FMO5: variants seen among roughly 807,000 people sequenced by gnomAD.
FMO5 encodes the protein flavin containing dimethylaniline monoxygenase 5.
FMO5 carries 51 observed loss-of-function variants against 43.6 expected under a neutral mutation model. The ratio of observed to expected loss-of-function variants is 1.17; its 90% CI spans 0.93 to 1.48. FMO5 has a LOEUF of 1.48. FMO5 is among the 40% of genes most tolerant of loss of function. FMO5 has a pLI of 0.00. For missense variants in FMO5, 644 were observed against 643.0 expected (o/e 1.00, Z -0.02); for synonymous variants, 187 against 216.5 (o/e 0.86, Z 1.20).
chr1:147,188,043 T>C (rs1476464882), intron 8 of FMO5, among the ~76,000 whole-genome samples: 4 of 152,040 alleles, frequency 2.6e-5, no homozygotes, highest in African/African-American at 9.7e-5. Flanking sequence ...GAGGTAGAAC[T>C]GGTGAGATGG....
intron 7 of FMO5, among the ~76,000 whole-genome samples, chr1:147,198,534 G>A (rs1658390107): frequency 1.3e-5 from 2 of 152,108 alleles, no homozygotes; most frequent in Admixed American, 1.3e-4. Flanking sequence ...AGTATTGTAG[G>A]AAGTATGGTA....
chr1:147,203,145 A>G (rs1553921425), intron 6 of FMO5: 4 of 466,166 alleles, frequency 8.6e-6, no homozygotes, highest in Non-Finnish European at 1.1e-5. Context: ...CAATATGTTT[A>G]TTATAACATC....
chr1:147,222,526 GA>G (rs1484051494), intron 2 of FMO5, among the ~76,000 whole-genome samples: 2 of 152,154 alleles, frequency 1.3e-5, no homozygotes, highest in Non-Finnish European at 2.9e-5. Flanking sequence ...AAATCCCATG[GA>G]ATAGAAACTC....
At chr1:147,217,766 A>C (rs966291745) in intron 2 of FMO5, among the ~76,000 whole-genome samples, 40 of 152,166 alleles carry the variant, frequency 2.6e-4, no homozygotes, top group Non-Finnish European at 5.0e-4. Context: ...CTCTGCCCTA[A>C]TTAAAATTTT....
intron 2 of FMO5, among the ~76,000 whole-genome samples, chr1:147,220,078 T>A (rs1308836852): frequency 6.6e-6 from 1 of 152,120 alleles, no homozygotes; most frequent in Non-Finnish European, 1.5e-5. Context: ...GACCTCGTGA[T>A]CCACCCACCT....
chr1:147,217,370 G>A lies in FMO5; in HGVS notation c.136-1428C>T, dbSNP rs185541165. On this transcript the variant is annotated intron_variant, in intron 2 of 8. Coordinates refer to ENST00000254090, the MANE Select transcript of FMO5 (RefSeq NM_001461.4). ...GTCACCGAGATTTCACAAATGAGGAGTTTTCAAATTTTTAGATTTTCAAAA... is the reference window on the plus strand; with the variant it reads ...GTCACCGAGATTTCACAAATGAGGAATTTTCAAATTTTTAGATTTTCAAAA... 3.0e-3 allele frequency among the ~76,000 whole-genome samples: 452 copies of A among 152,148 alleles called. 1 individual carries two copies. Among genetic ancestry groups the A allele is most frequent in the Non-Finnish European group, 5.0e-3 (341 of 68,004 alleles).
chr1:147,209,189 G>A, intron 5 of FMO5, 138 bp from the exon 6 acceptor site: 1 of 584,578 alleles, frequency 1.7e-6, no homozygotes, highest in Admixed American at 2.9e-5. Flanking sequence ...GGAGGCCAAG[G>A]CGGGCGGATC....
chr1:147,191,395 A>G lies in FMO5; in HGVS notation c.1184-1146T>C, dbSNP rs28745884. 6.6e-5 allele frequency among the ~76,000 whole-genome samples: 10 copies of G among 152,224 alleles called. No individual in the cohort carries two copies. The East Asian group carries it at 1.7e-3, about 26-fold the overall frequency. On this transcript the variant is annotated intron_variant, in intron 7 of 8. Coordinates refer to ENST00000254090, the MANE Select transcript of FMO5 (RefSeq NM_001461.4). ...GCCATTCTAACTGGTGTGAGATGGT[A>G]TCCCATTGTGGTTTTGATTTGCATT...
chr1:147,220,976 G>T (rs1662913831), intron 2 of FMO5, among the ~76,000 whole-genome samples: 1 of 150,664 alleles, frequency 6.6e-6, no homozygotes, highest in African/African-American at 2.4e-5. Flanking sequence ...GTATAATGTG[G>T]ATAGTATGTA....
At chr1:147,204,721 G>A in intron 6 of FMO5, 1 of 1,511,158 alleles carries the variant, frequency 6.6e-7, no homozygotes, top group South Asian at 1.1e-5. Flanking sequence ...TCTTAAAATA[G>A]TCGCTGCATC....
chr1:147,196,174 AT>A (rs1553919739), intron 7 of FMO5, among the ~76,000 whole-genome samples: 2 of 152,168 alleles, frequency 1.3e-5, no homozygotes, highest in Admixed American at 1.3e-4. Flanking sequence ...GCATACTCTA[AT>A]AACTATCCTG....
chr1:147,188,733 A>T (rs1174310756), intron 8 of FMO5, among the ~76,000 whole-genome samples: 1 of 151,120 alleles, frequency 6.6e-6, no homozygotes, highest in East Asian at 1.9e-4. Flanking sequence ...TAAAATAAAT[A>T]AATAAATAAA....
At chr1:147,196,452 T>C (rs781945757) in intron 7 of FMO5, among the ~76,000 whole-genome samples, 2 of 151,988 alleles carry the variant, frequency 1.3e-5, no homozygotes, top group Non-Finnish European at 2.9e-5. Context: ...AGGAGGTATA[T>C]TTCTTGATTG....
chr1:147,193,326 G>T (rs587742344), intron 7 of FMO5, among the ~76,000 whole-genome samples: 1 of 152,198 alleles, frequency 6.6e-6, no homozygotes, highest in South Asian at 2.1e-4. Context: ...TCTGATGGTA[G>T]TTTGTATTTC....
chr1:147,201,984 A>G (rs898605691), intron 6 of FMO5, among the ~76,000 whole-genome samples: 1 of 152,202 alleles, frequency 6.6e-6, no homozygotes, highest in East Asian at 1.9e-4. Context: ...TTGCTTTTAC[A>G]TGCATTAACT....
chr1:147,220,330 T>C (rs1662789311), intron 2 of FMO5, among the ~76,000 whole-genome samples: 1 of 152,226 alleles, frequency 6.6e-6, no homozygotes, highest in African/African-American at 2.4e-5. Context: ...TTCTGATTCA[T>C]AGACTAGAAG....
chr1:147,197,754 CTTTA>C (rs1331816733), intron 7 of FMO5, among the ~76,000 whole-genome samples: 1 of 152,258 alleles, frequency 6.6e-6, no homozygotes, highest in Non-Finnish European at 1.5e-5. Context: ...TCAGGCAGTT[CTTTA>C]TAGCAGCATG....
chr1:147,184,585 A>G (rs180716493), downstream of FMO5: 8 of 1,548,534 alleles, frequency 5.2e-6, no homozygotes, highest in East Asian at 1.7e-4. This position sits in a 1 kb window ranked among gnomAD's most constrained non-coding sequence, Gnocchi z 4.4. Flanking sequence ...GTATTTGTAG[A>G]ATATTCTTCA....
At chr1:147,197,126 T>G (rs1553919972) in intron 7 of FMO5, among the ~76,000 whole-genome samples, 1 of 152,170 alleles carries the variant, frequency 6.6e-6, no homozygotes, top group Non-Finnish European at 1.5e-5. Context: ...TTTCCTTCAT[T>G]CCTATAACAC....
Sources: allele counts gnomAD v4.1 joint callset (sites outside exome capture counted in the v4.1 genomes callset), GRCh38; gene constraint gnomAD v4.1.1; non-coding constraint Gnocchi (gnomAD v3.1); transcripts MANE v1.5; gene names NCBI Gene and HGNC (gene_info 2026-07-23, HGNC 2026-07-21).